Variants in IQSEC3 observed in about 807,000 individuals in gnomAD.
IQSEC3 encodes the protein IQ motif and SEC7 domain-containing protein 3.
IQSEC3 carries 50 observed loss-of-function variants against 105.4 expected under a neutral mutation model. The ratio of observed to expected loss-of-function variants is 0.47; its 90% confidence interval spans 0.38 to 0.60. The LOEUF (loss-of-function observed/expected upper bound fraction) is 0.60, where lower values mean the gene tolerates loss of function less well. Ranked by LOEUF, IQSEC3 falls within the 20% of genes least tolerant of loss-of-function variation. IQSEC3 has a pLI of 0.00. For missense variants in IQSEC3, 1,415 were observed against 1,630.0 expected (o/e 0.87, Z 2.27); for synonymous variants, 708 against 746.0 (o/e 0.95, Z 0.83).
intron 2 of IQSEC3, among the ~76,000 whole-genome samples, chr12:117,488 A>G (rs368099695): frequency 2.6e-4 from 39 of 152,348 alleles, no homozygotes; most frequent in South Asian, 1.7e-3. Flanking sequence ...AAGCTTCCAG[A>G]GGAGGCCTTC....
intron 5 of IQSEC3, among the ~76,000 whole-genome samples, chr12:153,005 A>G (rs904590786): frequency 1.3e-5 from 2 of 152,154 alleles, no homozygotes; most frequent in Non-Finnish European, 2.9e-5. Context: ...ATTCCAGGGC[A>G]GCAAAGAAGG....
chr12:125,381 C>T (rs112969650), intron 2 of IQSEC3, among the ~76,000 whole-genome samples: 12,348 of 152,108 alleles, frequency 0.081, 731 homozygotes, highest in African/African-American at 0.17. Context: ...TAAGCAGAGG[C>T]TCCTGAGCCC....
At chr12:105,954 C>A (rs1024370269) in intron 2 of IQSEC3, among the ~76,000 whole-genome samples, 35 of 152,260 alleles carry the variant, frequency 2.3e-4, no homozygotes, top group African/African-American at 8.4e-4. Flanking sequence ...AATTGCTGCT[C>A]GTTAAGGCAC....
intron 2 of IQSEC3, among the ~76,000 whole-genome samples, chr12:103,493 C>T (rs1254114107): frequency 9.1e-5 from 1 of 11,008 alleles, no homozygotes; most frequent in Admixed American, 1.1e-3. Flanking sequence ...AGGCGGGGCT[C>T]GGGGGGTAGG....
At chr12:125,978 G>C in intron 3 of IQSEC3, 66 bp downstream of exon 3, 1 of 1,444,872 alleles carries the variant, frequency 6.9e-7, no homozygotes, top group Non-Finnish European at 9.3e-7. Flanking sequence ...GGCTGTCGAG[G>C]GTACCAGGGA....
chr12:87,027 C>G (rs1863939010), intron 1 of IQSEC3, among the ~76,000 whole-genome samples: 1 of 152,114 alleles, frequency 6.6e-6, no homozygotes, highest in African/African-American at 2.4e-5. Context: ...CAGGTGCACT[C>G]CTAGGACCAG....
intron 1 of IQSEC3, among the ~76,000 whole-genome samples, chr12:96,557 G>T (rs1864247590): frequency 1.3e-5 from 2 of 152,172 alleles, no homozygotes; most frequent in Admixed American, 1.3e-4. Context: ...GTATTTTGCT[G>T]TAAAATAGTT....
At position 165,520 on chromosome 12, in the gene IQSEC3, C is replaced by T; in HGVS notation, c.2796C>T (p.Leu932=). 1.2e-6 allele frequency: 2 copies of T among 1,613,838 alleles called. No individual in the cohort carries two copies. Among genetic ancestry groups the T allele is most frequent in the Non-Finnish European group, 1.7e-6 (2 of 1,179,734 alleles). Residue 932 remains leucine (L), a synonymous_variant, in exon 10 of 14, where the codon CTC becomes CTT. Coordinates refer to ENST00000538872, the MANE Select transcript of IQSEC3 (RefSeq NM_001170738.2). The part of the protein sequence containing the change: ...SVGLLGMQFQ[L]FENEYYSHGI... The stretch of plus-strand genomic sequence containing the variant: ...GCCTGCTGGGCATGCAGTTCCAGCT[C>T]TTTGAGAACGAGTGTAAGTCTTTGA...
chr12:163,693 C>A (rs532146401), intron 9 of IQSEC3, 74 bp downstream of exon 9: 1 of 886,206 alleles, frequency 1.1e-6, no homozygotes, highest in Admixed American at 1.9e-5. Context: ...GGGCAGGGTC[C>A]CTGAAGTGGG....
intron 10 of IQSEC3, 89 bp downstream of exon 10, chr12:165,622 A>G: frequency 6.4e-7 from 1 of 1,569,660 alleles, no homozygotes; most frequent in Non-Finnish European, 8.8e-7. Flanking sequence ...GCTGGACAGC[A>G]GAGTGGGTGG....
chr12:121,824 A>G (rs1865228368), intron 2 of IQSEC3, among the ~76,000 whole-genome samples: 1 of 152,186 alleles, frequency 6.6e-6, no homozygotes, highest in African/African-American at 2.4e-5. Context: ...ATTAGGGTCT[A>G]CTGTGTTCCG....
chr12:153,674 T>TA (rs1866585394), intron 5 of IQSEC3, among the ~76,000 whole-genome samples: 1 of 152,132 alleles, frequency 6.6e-6, no homozygotes, highest in Admixed American at 6.5e-5. Context: ...GGCAGGTGCA[T>TA]AGCCAGGGGA....
Position 125,773 on chromosome 12 carries a change from C to T in IQSEC3, c.764C>T (p.Ala255Val), listed in dbSNP as rs374686235. The T allele has an allele frequency of 1.5e-5, 23 of 1,512,298 alleles. No individual in the cohort carries two copies. The African/African-American group carries it at 2.7e-4, about 17-fold the overall frequency. 93.7% of individuals were successfully genotyped at this position (1,512,298 alleles called of 1,614,324 possible). A position where few individuals can be genotyped will look rare whatever the true frequency, so the allele number is the denominator to read the frequency against. Residue 255 changes from alanine to valine, a missense_variant, in exon 3 of 14, where the codon GCA (alanine) becomes GTA (valine). This residue lies in a region of IQSEC3 where 720 missense variants were observed against 633.0 expected (regional missense o/e 1.14). Coordinates refer to ENST00000538872, the MANE Select transcript of IQSEC3 (RefSeq NM_001170738.2). Reference protein sequence around the residue: ...ELQEEEERPGAGAASPRAGPQ... With the variant: ...ELQEEEERPGVGAASPRAGPQ... ...CAGGAGGAGGAGGAGCGGCCGGGGG[C>T]AGGGGCTGCCTCCCCAAGGGCTGGC...
intron 12 of IQSEC3, 36 bp from the exon 13 acceptor site, chr12:171,076 G>A (rs374794283): frequency 4.3e-5 from 69 of 1,611,894 alleles, no homozygotes; most frequent in Middle Eastern, 2.0e-4. Flanking sequence ...TGGCTCAGCC[G>A]GTGGAGAATG....
chr12:174,928 G>T lies in IQSEC3; in HGVS notation c.3444G>T (p.Pro1148=). The T allele has an allele frequency of 6.9e-7, 1 of 1,442,258 alleles. No individual in the cohort carries two copies. Among genetic ancestry groups the T allele is most frequent in the Non-Finnish European group, 9.4e-7 (1 of 1,066,598 alleles). The allele number at this position is 1,442,258 out of a possible 1,614,324, so 89.3% of individuals were successfully genotyped here. The change falls in exon 14 of 14, where the codon CCG becomes CCT. Residue 1148 remains proline, a synonymous_variant. Transcript: ENST00000538872. ...GSPVKVTHQP[P]LPPPPPPYNH... is the part of the protein sequence containing the mutation. ...CGGTCAAGGTCACCCACCAGCCTCC[G>T]CTGCCCCCGCCCCCACCCCCCTACA...
chr12:143,642 GTTCATGCAGGGCAGTGCTGGGGTGCCAGC>G (rs1433968305), intron 5 of IQSEC3: 116,388 of 168,472 alleles, frequency 0.69, 42,914 homozygotes, highest in Admixed American at 0.76. Context: ...GGGTGCCAGC[GTTCATGCAGGGCAGTGCTGGGGTGCCAGC>G]GTTCATGCAG....
chr12:124,288 C>A (rs1555082559), intron 2 of IQSEC3, among the ~76,000 whole-genome samples: 4 of 149,786 alleles, frequency 2.7e-5, no homozygotes, highest in Admixed American at 1.3e-4. Context: ...ACTCGGGAAG[C>A]TGAGGCAGGA....
At chr12:128,753 A>G (rs1277447451) in intron 3 of IQSEC3, among the ~76,000 whole-genome samples, 2 of 151,518 alleles carry the variant, frequency 1.3e-5, no homozygotes, top group Non-Finnish European at 2.9e-5. Flanking sequence ...ACGCCGGGAG[A>G]CCTCCTGTGC....
At chr12:80,730 G>A (rs782170777) in intron 1 of IQSEC3, among the ~76,000 whole-genome samples, 17 of 152,138 alleles carry the variant, frequency 1.1e-4, no homozygotes, top group African/African-American at 9.7e-5. Flanking sequence ...GCATCTGATG[G>A]GATAAGAGCC....
Sources: gnomAD v4.1 joint callset for allele counts (sites outside exome capture counted in the v4.1 genomes callset) on GRCh38, gnomAD v4.1.1 for gene constraint, gnomAD v4.1.1 regional missense constraint, MANE v1.5 for transcripts, NCBI Gene and HGNC (gene_info 2026-07-23, HGNC 2026-07-21) for gene names.